IFITM10: variants seen among roughly 807,000 people sequenced by gnomAD.
IFITM10 encodes the protein interferon-induced transmembrane protein 10.
Under a neutral mutation model 19.0 loss-of-function variants are expected in IFITM10, and 17 were observed. That is an observed-to-expected ratio of 0.90 (90% CI 0.61 to 1.34). IFITM10 has a LOEUF of 1.34. IFITM10 is among the 40% of genes most tolerant of loss of function. IFITM10 has a pLI of 0.00. For missense variants in IFITM10, 306 were observed against 319.8 expected, an observed-to-expected ratio of 0.96 and a Z score of 0.33; for synonymous variants, 148 against 147.2, an observed-to-expected ratio of 1.01 and a Z score of -0.04.
At chr11:1,738,036 G>A (rs191939921) in intron 2 of IFITM10, among the ~76,000 whole-genome samples, 17 of 152,228 alleles carry the variant, frequency 1.1e-4, no homozygotes, top group Admixed American at 1.1e-3. Flanking sequence ...ATAGGGAAGA[G>A]GAGGGTGGGG....
At chr11:1,741,573 C>T (rs931590379) in intron 2 of IFITM10, among the ~76,000 whole-genome samples, 2 of 152,054 alleles carry the variant, frequency 1.3e-5, no homozygotes, top group African/African-American at 4.8e-5. Flanking sequence ...GGCAGTTCTT[C>T]TATGACTGTG....
intron 2 of IFITM10, among the ~76,000 whole-genome samples, chr11:1,736,124 G>A (rs771554419): frequency 3.3e-5 from 5 of 152,188 alleles, no homozygotes; most frequent in Admixed American, 6.5e-5. Context: ...AAATATGTGC[G>A]TGTTTGCTGT....
At chr11:1,746,598 G>C (rs1285131425) in intron 2 of IFITM10, 3 of 398,520 alleles carry the variant, frequency 7.5e-6, no homozygotes, top group African/African-American at 2.1e-5. Flanking sequence ...GGAGCAGGAG[G>C]GGAACGCCGA....
chr11:1,740,299 CAAAAAAAAAAAAA>C (rs58480346), intron 2 of IFITM10, among the ~76,000 whole-genome samples: 7 of 41,016 alleles, frequency 1.7e-4, no homozygotes, highest in Admixed American at 1.6e-3. Context: ...GACTCCATCT[CAAAAAAAAAAAAA>C]AAAAAAAAAA....
intron 1 of IFITM10, among the ~76,000 whole-genome samples, chr11:1,749,782 C>G (rs1845696631): frequency 6.6e-6 from 1 of 152,034 alleles, no homozygotes; most frequent in African/African-American, 2.4e-5. Flanking sequence ...CCCACCAAGT[C>G]CAGGCCTTCC....
rs1851067196 is a variant in IFITM10, at chr11:1,734,901, C to T, written c.*379G>A. 4.2e-6 allele frequency: 1 copy of T among 235,632 alleles called. No individual in the cohort carries two copies. The highest frequency in any genetic ancestry group is 8.3e-6 in the Non-Finnish European group (1 of 121,004). The allele number at this position is 235,632 out of a possible 1,614,324, so 14.6% of individuals were successfully genotyped here. On this transcript the variant is annotated 3_prime_UTR_variant, in exon 3 of 3. Coordinates refer to ENST00000340134, the MANE Select transcript of IFITM10 (RefSeq NM_001170820.4). ...GGTCGGGGAGCACAGAGTGAGTCCTCCCAACCTGGGACAATTTTGCATAAG... is the reference window on the plus strand; with the variant it reads ...GGTCGGGGAGCACAGAGTGAGTCCTTCCAACCTGGGACAATTTTGCATAAG...
chr11:1,746,724 T>A, intron 2 of IFITM10: 1 of 398,830 alleles, frequency 2.5e-6, no homozygotes, highest in Non-Finnish European at 4.4e-6. Context: ...TCTCCCTGCA[T>A]CCCCTGTCTT....
chr11:1,735,063 G>A lies in IFITM10; in HGVS notation c.*217C>T. ...CCAGGCCCCAGACACAGGCAGGGTG[G>A]AGGCCAGGAGGCGGAGGGGGTGGAC... On this transcript the variant is annotated 3_prime_UTR_variant, in exon 3 of 3. Transcript: ENST00000340134. 1 of 562,460 alleles carries A rather than the reference G, an allele frequency of 1.8e-6. No individual in the cohort carries two copies. The highest frequency in any genetic ancestry group is 3.1e-6 in the Non-Finnish European group (1 of 319,224). 34.8% of individuals were successfully genotyped at this position (562,460 alleles called of 1,614,324 possible). A position where few individuals can be genotyped will look rare whatever the true frequency, so the allele number is the denominator to read the frequency against.
chr11:1,748,970 GC>G, intron 1 of IFITM10: 1 of 907,424 alleles, frequency 1.1e-6, no homozygotes, highest in Non-Finnish European at 1.3e-6. Flanking sequence ...GCAGCCCCCA[GC>G]CCCATCCGGG....
chr11:1,742,307 G>C (rs1845577200), intron 2 of IFITM10, among the ~76,000 whole-genome samples: 1 of 152,114 alleles, frequency 6.6e-6, no homozygotes, highest in Non-Finnish European at 1.5e-5. Flanking sequence ...GAATGAAGGG[G>C]ATAGAAGGGG....
intron 1 of IFITM10, chr11:1,748,435 C>T (rs895421924): frequency 2.9e-6 from 1 of 344,672 alleles, no homozygotes; most frequent in Non-Finnish European, 5.2e-6. Flanking sequence ...GACACTGTTG[C>T]AAAACACAGA....
chr11:1,735,380 G>A lies in IFITM10; in HGVS notation c.587C>T (p.Ala196Val). 6.4e-7 allele frequency: 1 copy of A among 1,551,734 alleles called. No homozygotes were observed. The highest frequency in any genetic ancestry group is 8.7e-7 in the Non-Finnish European group (1 of 1,146,966). ...LNDLNGAVED[A>V]KTARLFNITS... ...GATGTTGAACAGCCGGGCCGTCTTTGCATCCTCCACGGCTCCATTCAGGTC... is the reference window on the plus strand; with the variant it reads ...GATGTTGAACAGCCGGGCCGTCTTTACATCCTCCACGGCTCCATTCAGGTC... Residue 196 changes from alanine (A) to valine (V), a missense_variant, in exon 3 of 3, where the codon GCA (alanine) becomes GTA (valine). Physicochemically the swap from Ala to Val is moderately conservative, Grantham distance 64. Coordinates refer to ENST00000340134, the MANE Select transcript of IFITM10 (RefSeq NM_001170820.4).
chr11:1,736,781 A>G (rs1187649198), intron 2 of IFITM10, among the ~76,000 whole-genome samples: 1 of 146,664 alleles, frequency 6.8e-6, no homozygotes, highest in Non-Finnish European at 1.5e-5. Context: ...TGGAATGGAT[A>G]GAGTGGATGG....
chr11:1,744,797 G>A (rs756570818), intron 2 of IFITM10: 7 of 152,580 alleles, frequency 4.6e-5, no homozygotes, highest in Non-Finnish European at 8.8e-5. Context: ...ACAGATGAGG[G>A]AACAGGGGCT....
At chr11:1,750,225 C>A in intron 1 of IFITM10, 134 bp downstream of exon 1, 5 of 1,480,840 alleles carry the variant, frequency 3.4e-6, no homozygotes, top group Non-Finnish European at 4.6e-6. Flanking sequence ...GTATGCTTGA[C>A]GCCAGCTGAT....
intron 2 of IFITM10, among the ~76,000 whole-genome samples, chr11:1,740,635 A>G (rs920054326): frequency 6.6e-6 from 1 of 152,234 alleles, no homozygotes; most frequent in African/African-American, 2.4e-5. Context: ...TTAGATATAT[A>G]GCAGATATTT....
At position 1,735,409 on chromosome 11, in the gene IFITM10, G is replaced by A; in HGVS notation, c.558C>T (p.Leu186=). ...YSLKVRDKKL[L]NDLNGAVEDA... ...CCTCCACGGCTCCATTCAGGTCATT[G>A]AGAAGCTTCTTGTCTCGCACCTGAA... The change falls in exon 3 of 3, where the codon CTC becomes CTT. Residue 186 remains leucine (L), a synonymous_variant. Transcript: ENST00000340134. The A allele has an allele frequency of 6.4e-7, 1 of 1,551,624 alleles. No individual in the cohort carries two copies. Among genetic ancestry groups the A allele is most frequent in the Non-Finnish European group, 8.7e-7 (1 of 1,146,916 alleles).
chr11:1,748,318 T>G (rs1845676711), intron 1 of IFITM10, 199 bp from the exon 2 acceptor site: 1 of 425,776 alleles, frequency 2.3e-6, no homozygotes, highest in South Asian at 8.9e-5. Context: ...CGCAGCAGCC[T>G]TGGCAGGGAC....
At position 1,750,507 on chromosome 11, in the gene IFITM10, G is replaced by A; in HGVS notation, c.-65C>T. ...CTCTGCCACTCTCAACTGGCCTCCT[G>A]TGTCTCCGCAACCCTCTTTCCTGTC... On this transcript the variant is annotated 5_prime_UTR_variant, in exon 1 of 3. Transcript: ENST00000340134. The A allele has an allele frequency of 6.5e-7, 1 of 1,543,546 alleles. No homozygotes were observed. Among genetic ancestry groups the A allele is most frequent in the Non-Finnish European group, 8.8e-7 (1 of 1,142,292 alleles).
Sources: allele counts gnomAD v4.1 joint callset (sites outside exome capture counted in the v4.1 genomes callset), GRCh38; gene constraint gnomAD v4.1.1; transcripts MANE v1.5; gene names NCBI Gene and HGNC (gene_info 2026-07-23, HGNC 2026-07-21).